HTR2C: variants seen among roughly 807,000 people sequenced by gnomAD.
HTR2C encodes 5-hydroxytryptamine receptor 2C.
HTR2C carries 5 observed loss-of-function variants against 21.0 expected under a neutral mutation model. That is an observed-to-expected ratio of 0.24 (90% CI 0.12 to 0.50). The LOEUF is 0.50. HTR2C is among the 20% of genes least tolerant of loss of function. HTR2C has a pLI of 0.98. For missense variants in HTR2C, 271 were observed against 371.2 expected, an observed-to-expected ratio of 0.73 and a Z score of 2.22; for synonymous variants, 150 against 145.3, an observed-to-expected ratio of 1.03 and a Z score of -0.23.
At chrX:114,743,852 A>G (rs1556425693) in intron 4 of HTR2C, among the ~76,000 whole-genome samples, 1 of 112,404 alleles carries the variant, frequency 8.9e-6, no homozygotes, top group Non-Finnish European at 1.9e-5. Context: ...ATAAAAAGTA[A>G]TGAACTATTG....
chrX:114,724,776 G>A (rs1933382039), intron 2 of HTR2C, among the ~76,000 whole-genome samples: 1 of 100,269 alleles, frequency 1.0e-5, no homozygotes, highest in African/African-American at 3.5e-5. Flanking sequence ...CACTTATGAA[G>A]CTTAATTTGG....
chrX:114,645,708 T>C (rs1556407408), intron 2 of HTR2C, among the ~76,000 whole-genome samples: 1 of 111,427 alleles, frequency 9.0e-6, no homozygotes, highest in Non-Finnish European at 1.9e-5. Context: ...TTGATAAAAA[T>C]GCAAAAGATT....
At chrX:114,774,867 A>G (rs1343529992) in intron 4 of HTR2C, 4 of 527,539 alleles carry the variant, frequency 7.6e-6, no homozygotes, top group South Asian at 2.5e-5. Flanking sequence ...AGGAAGCACC[A>G]CTAGAGGGAG....
chrX:114,785,546 G>T (rs782293986), intron 4 of HTR2C, among the ~76,000 whole-genome samples: 1 of 111,536 alleles, frequency 9.0e-6, no homozygotes, highest in Non-Finnish European at 1.9e-5. Context: ...GGAGAGAATG[G>T]ACTTTTCCAT....
At chrX:114,709,881 T>G (rs782743722) in intron 2 of HTR2C, among the ~76,000 whole-genome samples, 2 of 111,620 alleles carry the variant, frequency 1.8e-5, no homozygotes, top group Admixed American at 1.9e-4. Flanking sequence ...TTTTGTAGTC[T>G]ATGACATTTC....
chrX:114,746,996 AAG>A (rs1218085531), intron 4 of HTR2C, among the ~76,000 whole-genome samples: 1 of 110,556 alleles, frequency 9.0e-6, no homozygotes, highest in African/African-American at 3.3e-5. Flanking sequence ...AAAAAAAAGA[AAG>A]AGAGAGAGAG....
chrX:114,728,001 C>A (rs1222531799), intron 3 of HTR2C, among the ~76,000 whole-genome samples: 4 of 111,544 alleles, frequency 3.6e-5, no homozygotes. Context: ...GGCCCATATA[C>A]CAAAGTGTAG....
At chrX:114,893,263 A>C (rs781790664) in intron 5 of HTR2C, among the ~76,000 whole-genome samples, 1 of 111,128 alleles carries the variant, frequency 9.0e-6, no homozygotes, top group African/African-American at 3.3e-5. Flanking sequence ...GAGTTAAAAT[A>C]ATTTTGAAAA....
rs782771375 is a variant in HTR2C, at chrX:114,691,926, G to C, written c.-79-34932G>C. On this transcript the variant is annotated intron_variant, in intron 2 of 5. Coordinates refer to ENST00000276198, the MANE Select transcript of HTR2C (RefSeq NM_000868.4). The stretch of plus-strand genomic sequence containing the variant: ...AAATACCACAGCCAAACTATTTTCA[G>C]GCTTTATTTTCCTGCTAAGGGAAGA... Among the ~76,000 whole-genome samples the C allele has an allele frequency of 4.5e-5, 5 of 111,180 alleles. No homozygotes were observed. In the South Asian group the frequency reaches 1.9e-3, roughly 41 times the overall value.
chrX:114,671,469 T>C (rs1324461894), intron 2 of HTR2C, among the ~76,000 whole-genome samples: 1 of 111,884 alleles, frequency 8.9e-6, no homozygotes, highest in East Asian at 2.8e-4. Context: ...TTTTAATCAA[T>C]AGATTGAAAA....
At chrX:114,717,012 T>A (rs1602711764) in intron 2 of HTR2C, among the ~76,000 whole-genome samples, 1 of 111,817 alleles carries the variant, frequency 8.9e-6, no homozygotes, top group Non-Finnish European at 1.9e-5. Context: ...TGTATTATTA[T>A]TTATTCAATT....
intron 5 of HTR2C, among the ~76,000 whole-genome samples, chrX:114,861,689 C>A (rs782553219): frequency 9.0e-6 from 1 of 111,217 alleles, no homozygotes; most frequent in African/African-American, 3.3e-5. Context: ...GCTATCCTAA[C>A]TGGTATCTCA....
At chrX:114,705,211 A>G (rs1481773553) in intron 2 of HTR2C, among the ~76,000 whole-genome samples, 5 of 110,603 alleles carry the variant, frequency 4.5e-5, no homozygotes, top group African/African-American at 1.6e-4. Flanking sequence ...AAAATACTTT[A>G]AAGTTCATAT....
chrX:114,872,431 G>T (rs1556476832), intron 5 of HTR2C, among the ~76,000 whole-genome samples: 1 of 109,821 alleles, frequency 9.1e-6, no homozygotes, highest in Non-Finnish European at 1.9e-5. Flanking sequence ...TTTCAATATA[G>T]GCATTACAGC....
chrX:114,695,574 A>G lies in HTR2C; in HGVS notation c.-79-31284A>G, dbSNP rs138895180. Among the ~76,000 whole-genome samples the G allele has an allele frequency of 4.9e-3, 554 of 112,451 alleles. 4 individuals carry two copies. Among genetic ancestry groups the G allele is most frequent in the African/African-American group, 0.017 (531 of 31,026 alleles). Reference sequence around the variant, plus strand: ...AAATTATTTAAACATATTGTATTATATAATTCCTAGCACCATGATATTTAT... The same window carrying G: ...AAATTATTTAAACATATTGTATTATGTAATTCCTAGCACCATGATATTTAT... On this transcript the variant is annotated intron_variant, in intron 2 of 5. Coordinates refer to ENST00000276198, the MANE Select transcript of HTR2C (RefSeq NM_000868.4).
intron 2 of HTR2C, among the ~76,000 whole-genome samples, chrX:114,700,806 C>T (rs782282187): frequency 5.3e-5 from 6 of 112,442 alleles, no homozygotes; most frequent in Admixed American, 9.4e-5. Flanking sequence ...TTTTCCTAGT[C>T]AAAGAAAGGG....
chrX:114,789,616 A>T (rs914928000), intron 4 of HTR2C, among the ~76,000 whole-genome samples: 2 of 111,689 alleles, frequency 1.8e-5, no homozygotes, highest in Admixed American at 9.5e-5. Flanking sequence ...ATTAAAAAAA[A>T]AGGGCTTTGA....
At chrX:114,807,489 A>G (rs1245527610) in intron 4 of HTR2C, among the ~76,000 whole-genome samples, 2 of 81,111 alleles carry the variant, frequency 2.5e-5, no homozygotes, top group African/African-American at 8.5e-5. Context: ...TATACATCAT[A>G]TATATACCAT....
intron 2 of HTR2C, among the ~76,000 whole-genome samples, chrX:114,724,227 T>G (rs2147336555): frequency 1.1e-5 from 1 of 91,720 alleles, no homozygotes; most frequent in East Asian, 4.0e-4. Flanking sequence ...ATATTTAGGA[T>G]AGTTAGCTCT....
Sources: gnomAD v4.1 joint callset for allele counts (sites outside exome capture counted in the v4.1 genomes callset) on GRCh38, gnomAD v4.1.1 for gene constraint, MANE v1.5 for transcripts, NCBI Gene and HGNC (gene_info 2026-07-23, HGNC 2026-07-21) for gene names.